The following GLRA1 variants were observed in gnomAD, a reference collection of about 807,000 sequenced individuals.
GLRA1 encodes the protein glycine receptor alpha 1.
In GLRA1, 37 loss-of-function variants were observed where a neutral mutation model predicts 48.3. The ratio of observed to expected loss-of-function variants is 0.77; its 90% CI spans 0.59 to 1.01. The LOEUF is 1.01. GLRA1 is among the 50% of genes least tolerant of loss of function. The probability of loss-of-function intolerance (pLI) is 0.00; values close to 1 mark genes in which losing one functional copy is unlikely to be tolerated. For missense variants in GLRA1, 427 were observed against 571.0 expected, an observed-to-expected ratio of 0.75 and a Z score of 2.57; for synonymous variants, 196 against 210.7, an observed-to-expected ratio of 0.93 and a Z score of 0.60.
chr5:151,829,133 G>A lies in GLRA1; in HGVS notation c.913-66C>T, dbSNP rs919756339. ...GGGAATGTAAAACATTAAGCATGGC[G>A]GAATATTTTCTGCTCTTCGGTAATT... On this transcript the variant is annotated intron_variant, in intron 7 of 8. Transcript: ENST00000274576. 1.5e-5 allele frequency: 22 copies of A among 1,515,126 alleles called. No homozygotes were observed. The Admixed American group carries it at 2.3e-4, about 16-fold the overall frequency. 93.9% of individuals were successfully genotyped at this position (1,515,126 alleles called of 1,614,324 possible).
chr5:151,828,866 A>G, intron 8 of GLRA1, 55 bp downstream of exon 8: 2 of 1,539,980 alleles, frequency 1.3e-6, no homozygotes, highest in Non-Finnish European at 1.8e-6. Context: ...TACTGCTTAG[A>G]ACTCTTTTGT....
intron 7 of GLRA1, among the ~76,000 whole-genome samples, chr5:151,833,808 A>AG (rs1467062895): frequency 1.3e-5 from 2 of 150,766 alleles, no homozygotes; most frequent in East Asian, 3.9e-4. Flanking sequence ...AAAAAAAAAA[A>AG]AAAAAAAGCA....
At chr5:151,889,626 T>C (rs1754004997) in intron 2 of GLRA1, among the ~76,000 whole-genome samples, 1 of 152,226 alleles carries the variant, frequency 6.6e-6, no homozygotes, top group Admixed American at 6.5e-5. Context: ...AGGCAGCTGC[T>C]GAGTGATGGA....
chr5:151,823,832 A>T (rs1293530084), intron 8 of GLRA1, among the ~76,000 whole-genome samples: 1 of 150,330 alleles, frequency 6.7e-6, no homozygotes, highest in Admixed American at 6.6e-5. Context: ...CTTCTAGTTC[A>T]TCTCTTTCCC....
At chr5:151,864,350 C>T (rs899951593) in intron 3 of GLRA1, among the ~76,000 whole-genome samples, 5 of 152,176 alleles carry the variant, frequency 3.3e-5, no homozygotes, top group Non-Finnish European at 5.9e-5. Flanking sequence ...CAGCAGGCGC[C>T]GTTCTAGATA....
At chr5:151,838,795 C>G (rs1302009450) in intron 7 of GLRA1, among the ~76,000 whole-genome samples, 1 of 152,188 alleles carries the variant, frequency 6.6e-6, no homozygotes, top group East Asian at 1.9e-4. Context: ...ATCTATACAT[C>G]TAAGAAGCAC....
chr5:151,850,800 C>T, intron 7 of GLRA1: 10 of 837,980 alleles, frequency 1.2e-5, no homozygotes, highest in Non-Finnish European at 1.9e-5. Context: ...ACTAAGTGGA[C>T]AAGACCTCCA....
chr5:151,905,929 C>G (rs1272618463), intron 1 of GLRA1, among the ~76,000 whole-genome samples: 1 of 152,138 alleles, frequency 6.6e-6, no homozygotes, highest in African/African-American at 2.4e-5. Flanking sequence ...GTTAAATTGC[C>G]CTGCATATGT....
intron 3 of GLRA1, among the ~76,000 whole-genome samples, chr5:151,867,430 G>A (rs1175865987): frequency 6.6e-6 from 1 of 152,132 alleles, no homozygotes; most frequent in African/African-American, 2.4e-5. Context: ...ATTAGAATAT[G>A]TATAATTGGG....
chr5:151,850,291 C>A (rs1284200010), intron 7 of GLRA1: 13 of 1,603,862 alleles, frequency 8.1e-6, no homozygotes, highest in Non-Finnish European at 9.4e-6. Context: ...GAATTTCAAA[C>A]CGGACCCTGT....
At chr5:151,849,709 C>T (rs762724799) in intron 7 of GLRA1, 9 of 279,682 alleles carry the variant, frequency 3.2e-5, no homozygotes, top group South Asian at 8.6e-5. Flanking sequence ...TGTGTGACTA[C>T]GCCCAGCTAA....
At chr5:151,878,917 CCA>C (rs1753692878) in intron 3 of GLRA1, among the ~76,000 whole-genome samples, 1 of 152,224 alleles carries the variant, frequency 6.6e-6, no homozygotes. Context: ...GTTGAAGCCC[CCA>C]CACAGAGTCC....
At chr5:151,850,817 G>A (rs1165773579) in intron 7 of GLRA1, 7 of 756,860 alleles carry the variant, frequency 9.2e-6, no homozygotes, top group South Asian at 4.3e-5. Flanking sequence ...TCCAGCCGTC[G>A]AGCCCCTCCT....
chr5:151,823,513 A>AG (rs1763195092), intron 8 of GLRA1, among the ~76,000 whole-genome samples: 2 of 152,074 alleles, frequency 1.3e-5, no homozygotes, highest in African/African-American at 4.8e-5. Flanking sequence ...GTGGGTGGTA[A>AG]GGGGGATGGC....
At chr5:151,825,484 T>C (rs1391850831) in intron 8 of GLRA1, among the ~76,000 whole-genome samples, 4 of 152,108 alleles carry the variant, frequency 2.6e-5, no homozygotes, top group African/African-American at 9.7e-5. Flanking sequence ...AATTTCATAT[T>C]GTGTCTGGGA....
chr5:151,851,301 C>A (rs1403465089), intron 7 of GLRA1, 89 bp downstream of exon 7: 2 of 859,216 alleles, frequency 2.3e-6, no homozygotes, highest in African/African-American at 1.7e-5. Flanking sequence ...TGAATAATTC[C>A]TTTGCTCCCC....
chr5:151,874,388 A>G (rs1353184819), intron 3 of GLRA1, among the ~76,000 whole-genome samples: 1 of 152,174 alleles, frequency 6.6e-6, no homozygotes, highest in East Asian at 1.9e-4. Flanking sequence ...CCTTGAATCT[A>G]AAATTGGGAG....
chr5:151,863,678 C>T (rs1316948171), intron 3 of GLRA1, among the ~76,000 whole-genome samples: 2 of 152,028 alleles, frequency 1.3e-5, no homozygotes, highest in African/African-American at 4.8e-5. Flanking sequence ...CTGCTATTCC[C>T]GAGGGTGCTG....
chr5:151,827,030 T>G (rs978033705), intron 8 of GLRA1, among the ~76,000 whole-genome samples: 3 of 50,818 alleles, frequency 5.9e-5, no homozygotes, highest in East Asian at 3.7e-4. Flanking sequence ...TTTCTTTCTG[T>G]TTTTTTTTTT....
Sources: allele counts gnomAD v4.1 joint callset (sites outside exome capture counted in the v4.1 genomes callset), GRCh38; gene constraint gnomAD v4.1.1; transcripts MANE v1.5; gene names NCBI Gene and HGNC (gene_info 2026-07-23, HGNC 2026-07-21).